Variants in MET observed in about 807,000 individuals in gnomAD.
MET encodes the protein MET proto-oncogene, receptor tyrosine kinase, also known as hepatocyte growth factor receptor.
Under a neutral mutation model 133.1 loss-of-function variants are expected in MET, and 48 were observed. The observed-to-expected ratio is 0.36, with a 90% confidence interval of 0.29 to 0.46. The LOEUF is 0.46. MET is among the 20% of genes least tolerant of loss of function. The probability of loss-of-function intolerance (pLI) is 1.00; values close to 1 mark genes in which losing one functional copy is unlikely to be tolerated. For synonymous variants in MET, 628 were observed against 616.5 expected, an observed-to-expected ratio of 1.02 and a Z score of -0.28; for missense variants, 1,442 against 1,695.9, an observed-to-expected ratio of 0.85 and a Z score of 2.63.
At chr7:116,740,420 C>T (rs1205768235) in intron 4 of MET, among the ~76,000 whole-genome samples, 2 of 152,228 alleles carry the variant, frequency 1.3e-5, no homozygotes, top group Non-Finnish European at 2.9e-5. Flanking sequence ...AATCCGACTC[C>T]AACCAATAAT....
intron 4 of MET, 56 bp from the exon 5 acceptor site, chr7:116,740,796 T>C (rs1793414330): frequency 3.1e-6 from 5 of 1,598,514 alleles, no homozygotes; most frequent in Middle Eastern, 2.1e-4. Context: ...TACTTTATAA[T>C]TAATTAACAA....
intron 11 of MET, among the ~76,000 whole-genome samples, chr7:116,767,974 ATGTGTGTG>A (rs36013546): frequency 9.8e-4 from 137 of 140,240 alleles, no homozygotes; most frequent in African/African-American, 3.1e-3. Flanking sequence ...ATATATATAT[ATGTGTGTG>A]TGTGTGTGTG....
chr7:116,787,974 A>G (rs1795369691), intron 19 of MET, among the ~76,000 whole-genome samples: 1 of 152,354 alleles, frequency 6.6e-6, no homozygotes, highest in Middle Eastern at 3.4e-3. Flanking sequence ...GTGTGTCCAT[A>G]CAATGGACTA....
chr7:116,736,325 A>G (rs984751094), intron 3 of MET, among the ~76,000 whole-genome samples: 1 of 151,922 alleles, frequency 6.6e-6, no homozygotes, highest in Non-Finnish European at 1.5e-5. Context: ...TCTTTTTGAG[A>G]TAATGAAAGC....
chr7:116,772,549 T>C lies in MET; in HGVS notation c.3028+560T>C, dbSNP rs1449699458. On this transcript the variant is annotated intron_variant, in intron 14 of 20. Coordinates refer to ENST00000397752, the MANE Select transcript of MET (RefSeq NM_000245.4). Reference sequence around the variant, plus strand: ...CAATATCATCAGCTTTGTAAAACACTATGCCTAGTAATGTTCAGGTTAATC... The same window carrying C: ...CAATATCATCAGCTTTGTAAAACACCATGCCTAGTAATGTTCAGGTTAATC... 1.5e-4 allele frequency among the ~76,000 whole-genome samples: 23 copies of C among 152,230 alleles called. 1 individual carries two copies.
chr7:116,767,992 G>A (rs1157318663), intron 11 of MET, among the ~76,000 whole-genome samples: 1 of 150,482 alleles, frequency 6.6e-6, no homozygotes, highest in Non-Finnish European at 1.5e-5. Flanking sequence ...GTGTGTGTGT[G>A]TGTGTGTGTG....
At chr7:116,764,594 G>A (rs538322092) in intron 11 of MET, among the ~76,000 whole-genome samples, 1 of 151,998 alleles carries the variant, frequency 6.6e-6, no homozygotes, top group South Asian at 2.1e-4. Context: ...ACCCTTCCAA[G>A]CACAGTCTTT....
At chr7:116,778,530 A>C (rs1795057871) in intron 16 of MET, among the ~76,000 whole-genome samples, 1 of 152,200 alleles carries the variant, frequency 6.6e-6, no homozygotes, top group South Asian at 2.1e-4. Context: ...CTAAGTTTAT[A>C]GGAGACAAAC....
chr7:116,746,935 A>C (rs927757514), intron 5 of MET, among the ~76,000 whole-genome samples: 3 of 152,040 alleles, frequency 2.0e-5, no homozygotes, highest in Admixed American at 2.0e-4. Flanking sequence ...AATAAAAAAT[A>C]TATATAAAAA....
chr7:116,738,098 A>G (rs774473696), intron 3 of MET, among the ~76,000 whole-genome samples: 10 of 152,350 alleles, frequency 6.6e-5, no homozygotes, highest in Non-Finnish European at 1.2e-4. Flanking sequence ...AAACAAAGTC[A>G]GGGTATTAAG....
chr7:116,738,797 T>A (rs1793335672), intron 3 of MET, among the ~76,000 whole-genome samples: 2 of 152,212 alleles, frequency 1.3e-5, no homozygotes, highest in South Asian at 4.1e-4. Context: ...AACATTTATA[T>A]GTTGTATGTG....
chr7:116,739,681 A>G (rs1793367425), intron 3 of MET, among the ~76,000 whole-genome samples: 1 of 152,136 alleles, frequency 6.6e-6, no homozygotes, highest in Non-Finnish European at 1.5e-5. Context: ...ATTTGTCTGT[A>G]TGTGCTGCCA....
At chr7:116,679,585 T>TC (rs1248931356) in intron 1 of MET, among the ~76,000 whole-genome samples, 6 of 152,186 alleles carry the variant, frequency 3.9e-5, no homozygotes, top group African/African-American at 1.2e-4. Flanking sequence ...GTCGCTTGTA[T>TC]GTATAAGCAA....
chr7:116,693,642 T>C (rs1171529030), intron 1 of MET, among the ~76,000 whole-genome samples: 1 of 152,228 alleles, frequency 6.6e-6, no homozygotes, highest in African/African-American at 2.4e-5. Context: ...CTGTCCTAGT[T>C]AAGTTCCCCT....
At chr7:116,761,217 G>A (rs1446799912) in intron 10 of MET, among the ~76,000 whole-genome samples, 1 of 152,104 alleles carries the variant, frequency 6.6e-6, no homozygotes, top group Non-Finnish European at 1.5e-5. Flanking sequence ...TCAAACAATG[G>A]TAGACGATAA....
At chr7:116,705,286 G>C (rs1299259688) in intron 2 of MET, among the ~76,000 whole-genome samples, 1 of 151,912 alleles carries the variant, frequency 6.6e-6, no homozygotes, top group East Asian at 1.9e-4. Flanking sequence ...GGCATGTCTC[G>C]TAATATTTAA....
intron 19 of MET, among the ~76,000 whole-genome samples, chr7:116,791,445 G>C (rs1218373146): frequency 4.6e-5 from 7 of 152,036 alleles, no homozygotes; most frequent in Non-Finnish European, 8.8e-5. Flanking sequence ...TTTCCCAATG[G>C]CTAGTGATGT....
At position 116,700,058 on chromosome 7, in the gene MET, C is replaced by A. The variant is rs780802614; in HGVS notation, c.974C>A (p.Pro325His). 6.2e-7 allele frequency: 1 copy of A among 1,613,666 alleles called. No homozygotes were observed. Among genetic ancestry groups the A allele is most frequent in the Admixed American group, 1.7e-5 (1 of 59,902 alleles). The stretch of plus-strand genomic sequence containing the variant: ...CTTCAGGCTGCGTATGTCAGCAAGC[C>A]TGGGGCCCAGCTTGCTAGACAAATA... ...NILQAAYVSK[P>H]GAQLARQIGA... Residue 325 changes from proline (P) to histidine (H), a missense_variant, in exon 2 of 21, where the codon CCT becomes CAT. Around this residue, in one of 6 missense-constraint regions of MET, gnomAD observed 762 missense variants for 792.4 expected, o/e 0.96. Transcript: ENST00000397752.
chr7:116,720,910 G>A (rs200327980), intron 2 of MET, among the ~76,000 whole-genome samples: 22,797 of 144,296 alleles, frequency 0.16, 2,149 homozygotes, highest in East Asian at 0.28. Context: ...GAGGATTTTT[G>A]CATCAATGTT....
Sources: allele counts gnomAD v4.1 joint callset (sites outside exome capture counted in the v4.1 genomes callset), GRCh38; gene constraint gnomAD v4.1.1; regional missense constraint gnomAD v4.1.1; transcripts MANE v1.5; gene names NCBI Gene and HGNC (gene_info 2026-07-23, HGNC 2026-07-21).